The following TNRC6B variants were observed in gnomAD, a reference collection of about 807,000 sequenced individuals.
TNRC6B encodes trinucleotide repeat-containing gene 6B protein.
Under a neutral mutation model 203.6 loss-of-function variants are expected in TNRC6B, and 52 were observed. The observed-to-expected ratio is 0.26, with a 90% confidence interval of 0.20 to 0.32. TNRC6B has a LOEUF of 0.32. Ranked by LOEUF, TNRC6B falls within the 10% of genes least tolerant of loss-of-function variation. TNRC6B has a pLI of 1.00. For missense variants in TNRC6B, 1,923 were observed against 2,286.2 expected (o/e 0.84, Z 3.24); for synonymous variants, 838 against 845.7 (o/e 0.99, Z 0.16).
In TNRC6B at chr22:40,230,452, C is replaced by T. The variant is rs147176248; in HGVS notation, c.6-15563C>T. Among the ~76,000 whole-genome samples, 7 of 151,856 alleles carry T rather than the reference C, an allele frequency of 4.6e-5. No individual in the cohort carries two copies. The East Asian group carries it at 1.2e-3, about 25-fold the overall frequency. ...ACTACAGGCATGCACCACTACCATTCGGCTAATTTTTGTTTTTTTAGTAAC... is the reference window on the plus strand; with the variant it reads ...ACTACAGGCATGCACCACTACCATTTGGCTAATTTTTGTTTTTTTAGTAAC... On this transcript the variant is annotated intron_variant, in intron 1 of 22. Transcript: ENST00000454349.
intron 3 of TNRC6B, among the ~76,000 whole-genome samples, chr22:40,144,670 G>A (rs1462365340): frequency 2.4e-4 from 29 of 121,940 alleles, no homozygotes; most frequent in African/African-American, 9.7e-4. Flanking sequence ...GCAAGACTCC[G>A]TCTCGGAAAA....
chr22:40,212,277 G>A (rs939122027), intron 1 of TNRC6B, among the ~76,000 whole-genome samples: 2 of 152,200 alleles, frequency 1.3e-5, no homozygotes, highest in African/African-American at 4.8e-5. Flanking sequence ...TACCACATCT[G>A]TGACCTTGGA....
intron 1 of TNRC6B, among the ~76,000 whole-genome samples, chr22:40,213,873 G>A (rs893387798): frequency 1.3e-5 from 2 of 152,082 alleles, no homozygotes. Flanking sequence ...AAAAGAACTC[G>A]GGTTCATATG....
rs2071378319 is a variant in TNRC6B, at chr22:40,324,443, T to TA, written c.*1203dup. On this transcript the variant is annotated 3_prime_UTR_variant, in exon 23 of 23. Coordinates refer to ENST00000454349, the MANE Select transcript of TNRC6B (RefSeq NM_001162501.2). ...AGAGAAACTTTGTTCCCTCTTTCCT[T>TA]ATGATCAGGTTTGAGAAATTCTTCA... 6.6e-6 allele frequency: 1 copy of TA among 152,664 alleles called. No homozygotes were observed. Among genetic ancestry groups the TA allele is most frequent in the Admixed American group, 6.5e-5 (1 of 15,290 alleles). The allele number at this position is 152,664 out of a possible 1,614,324, so 9.5% of individuals were successfully genotyped here. A position where few individuals can be genotyped will look rare whatever the true frequency, so the allele number is the denominator to read the frequency against.
chr22:40,124,321 C>T (rs1601826924), intron 2 of TNRC6B, among the ~76,000 whole-genome samples: 1 of 134,066 alleles, frequency 7.5e-6, no homozygotes. Context: ...ATCTTTTTAC[C>T]TTTTTTTTTT....
chr22:40,083,745 T>C (rs1358590586), intron 1 of TNRC6B, among the ~76,000 whole-genome samples: 2 of 152,090 alleles, frequency 1.3e-5, no homozygotes, highest in African/African-American at 4.8e-5. Context: ...GGGCCACTTC[T>C]GTTGAAATAG....
chr22:40,188,594 G>A (rs375691726), intron 1 of TNRC6B, among the ~76,000 whole-genome samples: 2 of 152,180 alleles, frequency 1.3e-5, no homozygotes, highest in East Asian at 3.8e-4. Flanking sequence ...AGCGAAGCTT[G>A]TGATCAGTTG....
At chr22:40,050,956 C>T (rs986244501) in intron 1 of TNRC6B, among the ~76,000 whole-genome samples, 1 of 151,976 alleles carries the variant, frequency 6.6e-6, no homozygotes, top group East Asian at 1.9e-4. Context: ...TCTCGAGTAG[C>T]TAGGACTACA....
intron 3 of TNRC6B, among the ~76,000 whole-genome samples, chr22:40,145,639 T>G: frequency 6.6e-6 from 1 of 152,058 alleles, no homozygotes. Context: ...GTCAAGAGAT[T>G]GAGACCATCC....
chr22:40,272,731 C>T (rs961231338), intron 6 of TNRC6B, among the ~76,000 whole-genome samples: 1 of 152,184 alleles, frequency 6.6e-6, no homozygotes, highest in Non-Finnish European at 1.5e-5. Context: ...TTGGATTTCT[C>T]TCTGCTTTCC....
At chr22:40,075,157 T>TATATATATATATATATATATATATATA (rs1491547107) in intron 1 of TNRC6B, among the ~76,000 whole-genome samples, 6 of 34,498 alleles carry the variant, frequency 1.7e-4, no homozygotes, top group Non-Finnish European at 2.6e-4. Context: ...TATATATATA[T>TATATATATATATATATATATATATATA]TTTTTTTTTT....
intron 3 of TNRC6B, among the ~76,000 whole-genome samples, chr22:40,257,402 C>A (rs1291506281): frequency 6.6e-6 from 1 of 152,102 alleles, no homozygotes; most frequent in African/African-American, 2.4e-5. Flanking sequence ...ATTATTAGAG[C>A]ACGTAAATGG....
intron 1 of TNRC6B, among the ~76,000 whole-genome samples, chr22:40,191,126 C>G (rs1601871474): frequency 6.6e-6 from 1 of 152,142 alleles, no homozygotes; most frequent in East Asian, 1.9e-4. Flanking sequence ...TCTTAATGGG[C>G]AGATGGGAGT....
At chr22:40,126,161 TAA>T (rs1242166933) in intron 3 of TNRC6B, among the ~76,000 whole-genome samples, 2 of 152,220 alleles carry the variant, frequency 1.3e-5, no homozygotes, top group Admixed American at 1.3e-4. Context: ...CAGAAGTATA[TAA>T]AGTCAGGAGT....
At chr22:40,276,868 G>A (rs2070651795) in intron 7 of TNRC6B, 2 of 379,508 alleles carry the variant, frequency 5.3e-6, no homozygotes, top group Non-Finnish European at 9.3e-6. Flanking sequence ...TTCTGGTTCA[G>A]TGTGGTGAAT....
At chr22:40,109,410 A>G (rs1336692401) in intron 1 of TNRC6B, among the ~76,000 whole-genome samples, 1 of 152,278 alleles carries the variant, frequency 6.6e-6, no homozygotes, top group South Asian at 2.1e-4. Context: ...ACAGCGTAAA[A>G]GCGTTCTTAT....
intron 7 of TNRC6B, among the ~76,000 whole-genome samples, chr22:40,274,622 A>G (rs941915552): frequency 6.6e-6 from 1 of 151,986 alleles, no homozygotes; most frequent in Non-Finnish European, 1.5e-5. Flanking sequence ...GGGTTTCACC[A>G]TGTTAGCCAG....
chr22:40,223,148 T>TG (rs976103083), intron 1 of TNRC6B, among the ~76,000 whole-genome samples: 1 of 146,208 alleles, frequency 6.8e-6, no homozygotes, highest in Non-Finnish European at 1.5e-5. Flanking sequence ...TAATACTAGG[T>TG]TTTTTTTTTT....
At chr22:40,220,495 C>G (rs1276684425) in intron 1 of TNRC6B, among the ~76,000 whole-genome samples, 1 of 151,976 alleles carries the variant, frequency 6.6e-6, no homozygotes, top group Non-Finnish European at 1.5e-5. Flanking sequence ...GGGAGGGGCA[C>G]TGTTTGAATC....
Sources: gnomAD v4.1 joint callset for allele counts (sites outside exome capture counted in the v4.1 genomes callset) on GRCh38, gnomAD v4.1.1 for gene constraint, MANE v1.5 for transcripts, NCBI Gene and HGNC (gene_info 2026-07-23, HGNC 2026-07-21) for gene names.